ADGRL2: variants seen among roughly 807,000 people sequenced by gnomAD.
ADGRL2 encodes the protein calcium-independent alpha-latrotoxin receptor 2.
ADGRL2 carries 44 observed loss-of-function variants against 157.4 expected under a neutral mutation model. That is an observed-to-expected ratio of 0.28 (90% CI 0.22 to 0.36). The LOEUF is 0.36. ADGRL2 is among the 10% of genes least tolerant of loss of function. The pLI is 1.00. For synonymous variants in ADGRL2, 585 were observed against 624.7 expected, an observed-to-expected ratio of 0.94 and a Z score of 0.95; for missense variants, 1,510 against 1,768.9, an observed-to-expected ratio of 0.85 and a Z score of 2.63.
At chr1:81,970,654 A>G in intron 16 of ADGRL2, 120 bp downstream of exon 16, 1 of 700,096 alleles carries the variant, frequency 1.4e-6, no homozygotes, top group Middle Eastern at 4.1e-4. Context: ...TGGTAAGAGA[A>G]TGGGCATACC....
chr1:81,441,445 A>G (rs940797729), intron 1 of ADGRL2, among the ~76,000 whole-genome samples: 1 of 152,180 alleles, frequency 6.6e-6, no homozygotes, highest in Non-Finnish European at 1.5e-5. Context: ...ACAAGGCCTC[A>G]ATTAAGAGTA....
At chr1:81,510,664 G>A (rs1209282296) in intron 2 of ADGRL2, among the ~76,000 whole-genome samples, 1 of 152,160 alleles carries the variant, frequency 6.6e-6, no homozygotes, top group Admixed American at 6.6e-5. Context: ...GTGAAAACTG[G>A]GAGCTGCTTT....
chr1:81,509,207 A>C (rs973311171), intron 2 of ADGRL2, among the ~76,000 whole-genome samples: 5 of 152,154 alleles, frequency 3.3e-5, no homozygotes, highest in African/African-American at 1.2e-4. Flanking sequence ...CACAAAGCCA[A>C]CAAGCCTGCT....
At chr1:81,397,584 G>T (rs1269400184) in intron 1 of ADGRL2, among the ~76,000 whole-genome samples, 1 of 152,092 alleles carries the variant, frequency 6.6e-6, no homozygotes, top group Non-Finnish European at 1.5e-5. Flanking sequence ...CTCCCAAAGT[G>T]CTGGGATTAT....
chr1:81,545,365 C>A (rs1045891231), intron 2 of ADGRL2, among the ~76,000 whole-genome samples: 2 of 151,368 alleles, frequency 1.3e-5, no homozygotes, highest in Non-Finnish European at 2.9e-5. Flanking sequence ...TGGCTGTCTG[C>A]AACCTCCGCC....
intron 3 of ADGRL2, among the ~76,000 whole-genome samples, chr1:81,928,228 T>C (rs1361106302): frequency 1.3e-5 from 2 of 152,136 alleles, no homozygotes; most frequent in Non-Finnish European, 2.9e-5. Context: ...TAAATACTTA[T>C]CCCGCCTTCC....
At chr1:81,636,153 T>G (rs2082110568) in intron 3 of ADGRL2, among the ~76,000 whole-genome samples, 1 of 152,148 alleles carries the variant, frequency 6.6e-6, no homozygotes, top group East Asian at 1.9e-4. Context: ...ACTCCTCCCC[T>G]GGCTGCTCGG....
At chr1:81,645,752 T>G (rs2082303013) in intron 3 of ADGRL2, among the ~76,000 whole-genome samples, 1 of 152,190 alleles carries the variant, frequency 6.6e-6, no homozygotes, top group Non-Finnish European at 1.5e-5. Context: ...TGAGTCGTTC[T>G]TCACTTGCTG....
chr1:81,598,226 A>G (rs1299581512), intron 3 of ADGRL2, among the ~76,000 whole-genome samples: 1 of 152,170 alleles, frequency 6.6e-6, no homozygotes, highest in Non-Finnish European at 1.5e-5. Flanking sequence ...CAACAAGGTT[A>G]AGCAATTTAT....
intron 2 of ADGRL2, among the ~76,000 whole-genome samples, chr1:81,857,770 A>G (rs896425947): frequency 1.3e-5 from 2 of 152,228 alleles, no homozygotes; most frequent in African/African-American, 4.8e-5. Flanking sequence ...AATATTAAAT[A>G]AATTATTGGA....
At chr1:81,610,000 T>A (rs1314795467) in intron 3 of ADGRL2, among the ~76,000 whole-genome samples, 1 of 152,230 alleles carries the variant, frequency 6.6e-6, no homozygotes, top group African/African-American at 2.4e-5. Flanking sequence ...ATAGCTGAAG[T>A]GCTTGCTTGT....
At chr1:81,698,613 T>G (rs1300111468), upstream of ADGRL2, among the ~76,000 whole-genome samples, 1 of 152,186 alleles carries the variant, frequency 6.6e-6, no homozygotes, top group African/African-American at 2.4e-5. Context: ...ACAGTTTGCT[T>G]GATTTAAATG....
At chr1:81,744,159 T>C (rs1032333590) in intron 1 of ADGRL2, among the ~76,000 whole-genome samples, 1 of 152,154 alleles carries the variant, frequency 6.6e-6, no homozygotes, top group African/African-American at 2.4e-5. Context: ...AAGTATTCTA[T>C]GAGCAGACAA....
At chr1:81,324,311 C>A (rs1000805649) in intron 1 of ADGRL2, among the ~76,000 whole-genome samples, 2 of 150,726 alleles carry the variant, frequency 1.3e-5, no homozygotes, top group African/African-American at 2.4e-5. Flanking sequence ...CAAGAGCAGC[C>A]CAGGCAATAT....
At chr1:81,887,889 A>G (rs1186040350) in intron 2 of ADGRL2, among the ~76,000 whole-genome samples, 3 of 152,184 alleles carry the variant, frequency 2.0e-5, no homozygotes. Flanking sequence ...CCCAGAAAAT[A>G]CCTCGTGACT....
chr1:81,918,823 C>T (rs74454152), intron 3 of ADGRL2, among the ~76,000 whole-genome samples: 11,806 of 152,072 alleles, frequency 0.078, 477 homozygotes, highest in African/African-American at 0.11. Context: ...AATTAAAATG[C>T]TTTAGTTTTC....
At chr1:81,584,946 A>G (rs1157932823) in intron 3 of ADGRL2, among the ~76,000 whole-genome samples, 2 of 152,170 alleles carry the variant, frequency 1.3e-5, no homozygotes, top group African/African-American at 4.8e-5. Flanking sequence ...CTGAAAAATA[A>G]TGACAAGCCA....
rs370113983 is a variant in ADGRL2 at position 81,441,567 on chromosome 1, C to T, written c.-301-3469C>T. Among the ~76,000 whole-genome samples the T allele has an allele frequency of 1.7e-4, 26 of 152,296 alleles. No homozygotes were observed. In the East Asian group the frequency reaches 4.6e-3, roughly 27 times the overall value. ...TGAGACGGAGTCTCACATTGTCACC[C>T]AGGCTGGAGTGCAATGTTGCAATCT... On this transcript the variant is annotated intron_variant, in intron 1 of 24. Coordinates refer to the ADGRL2 transcript ENST00000370721.
At chr1:81,325,085 ATT>A (rs1289289116) in intron 1 of ADGRL2, among the ~76,000 whole-genome samples, 1 of 152,084 alleles carries the variant, frequency 6.6e-6, no homozygotes. Flanking sequence ...CAGATAGACT[ATT>A]TTTATATTAT....
Sources: gnomAD v4.1 joint callset for allele counts (sites outside exome capture counted in the v4.1 genomes callset) on GRCh38, gnomAD v4.1.1 for gene constraint, MANE v1.5 for transcripts, NCBI Gene and HGNC (gene_info 2026-07-23, HGNC 2026-07-21) for gene names.